Variants in FRY observed in about 807,000 individuals in gnomAD.
The protein encoded by FRY is FRY microtubule binding protein, also known as protein furry homolog.
A neutral mutation model predicts 348.4 loss-of-function variants in FRY; 128 were observed. The observed-to-expected ratio is 0.37, with a 90% CI of 0.32 to 0.43. The LOEUF is 0.43. Ranked by LOEUF, FRY falls within the 20% of genes least tolerant of loss-of-function variation. FRY has a pLI of 1.00. For missense variants in FRY, 2,736 were observed against 3,695.2 expected (o/e 0.74, Z 6.73); for synonymous variants, 1,370 against 1,374.7 (o/e 1.00, Z 0.08).
At chr13:32,089,009 C>T (rs543178991) in intron 2 of FRY, among the ~76,000 whole-genome samples, 5 of 152,222 alleles carry the variant, frequency 3.3e-5, no homozygotes, top group South Asian at 2.1e-4. Flanking sequence ...AATAAAAATA[C>T]GTTCAATAAT....
At chr13:32,055,313 G>A (rs114848706) in intron 1 of FRY, among the ~76,000 whole-genome samples, 1,632 of 152,260 alleles carry the variant, frequency 0.011, 33 homozygotes, top group African/African-American at 0.037. Context: ...AAAGTGGTGG[G>A]ATTGCAGGAA....
At chr13:32,206,022 G>A (rs991595881) in intron 31 of FRY, among the ~76,000 whole-genome samples, 6 of 151,940 alleles carry the variant, frequency 3.9e-5, no homozygotes, top group Non-Finnish European at 8.8e-5. Flanking sequence ...ACAGGGAGAG[G>A]GGAAGGTTTG....
At chr13:32,161,365 G>A (rs765653299) in intron 17 of FRY, 114 bp downstream of exon 17, 1 of 803,748 alleles carries the variant, frequency 1.2e-6, no homozygotes, top group Non-Finnish European at 2.2e-6. Context: ...GAGGTACTGG[G>A]TATGGGCAGG....
Position 32,247,384 on chromosome 13 carries a change from T to C in FRY, c.6890T>C (p.Leu2297Pro). Residue 2297 changes from leucine to proline, a missense_variant, in exon 48 of 61, where the codon CTT becomes CCT. This residue lies in a region of FRY where 789 missense variants were observed against 996.2 expected (regional missense o/e 0.79). Transcript: ENST00000542859. ...CTGGTAGTTTCTCGGTCAGCCAGCC[T>C]TGTTTTACCTTCATACCAGCACAGT... ...LKLVVSRSASLVLPSYQHSDL... is the reference protein window; with the variant it reads ...LKLVVSRSASPVLPSYQHSDL... 6.2e-7 allele frequency: 1 copy of C among 1,613,650 alleles called. No homozygotes were observed. The highest frequency in any genetic ancestry group is 1.1e-5 in the South Asian group (1 of 91,052).
chr13:32,278,010 T>C (rs529792129), intron 57 of FRY, among the ~76,000 whole-genome samples: 4 of 152,320 alleles, frequency 2.6e-5, no homozygotes, highest in African/African-American at 4.8e-5. Context: ...GCCTTTCTTA[T>C]AGTGAAGGAG....
intron 2 of FRY, among the ~76,000 whole-genome samples, chr13:32,092,894 G>C (rs1273971158): frequency 6.6e-6 from 1 of 152,172 alleles, no homozygotes; most frequent in African/African-American, 2.4e-5. Flanking sequence ...AGTTTTGAGA[G>C]TATCTTATGT....
At chr13:32,109,927 G>A (rs139441108) in intron 3 of FRY, among the ~76,000 whole-genome samples, 110 of 152,286 alleles carry the variant, frequency 7.2e-4, no homozygotes, top group African/African-American at 2.6e-3. Flanking sequence ...AAAAAGGGTA[G>A]TTTGGAAAGT....
At chr13:32,228,922 A>C (rs1435978079) in intron 40 of FRY, among the ~76,000 whole-genome samples, 1 of 152,244 alleles carries the variant, frequency 6.6e-6, no homozygotes, top group East Asian at 1.9e-4. Context: ...ATGATGATGC[A>C]GCAGATGGAG....
At chr13:32,191,925 G>T (rs2138286924) in intron 28 of FRY, among the ~76,000 whole-genome samples, 1 of 152,272 alleles carries the variant, frequency 6.6e-6, no homozygotes, top group Non-Finnish European at 1.5e-5. Context: ...TAGCATGAGG[G>T]AAATGCAAAT....
chr13:32,043,860 A>G (rs1345989708), intron 1 of FRY, among the ~76,000 whole-genome samples: 1 of 152,214 alleles, frequency 6.6e-6, no homozygotes, highest in Non-Finnish European at 1.5e-5. Context: ...AAAGCAAATT[A>G]TAAGAAATAA....
At chr13:32,236,337 AAT>A (rs1886225685) in intron 43 of FRY, among the ~76,000 whole-genome samples, 165 bp downstream of exon 43, 1 of 37,078 alleles carries the variant, frequency 2.7e-5, no homozygotes, top group Non-Finnish European at 4.5e-5. Flanking sequence ...AAGAAGTCAT[AAT>A]ACACACAAAC....
intron 31 of FRY, among the ~76,000 whole-genome samples, chr13:32,205,097 G>A (rs533814114): frequency 7.9e-5 from 12 of 152,020 alleles, no homozygotes; most frequent in African/African-American, 2.9e-4. Context: ...CAGCTACTCA[G>A]GAGGCTGAGG....
At chr13:32,072,573 G>T (rs1874735894) in intron 1 of FRY, among the ~76,000 whole-genome samples, 1 of 152,026 alleles carries the variant, frequency 6.6e-6, no homozygotes. Context: ...TTGAGTATTT[G>T]CAGTACCTTT....
At chr13:32,206,967 G>C (rs895055659) in intron 31 of FRY, among the ~76,000 whole-genome samples, 1 of 152,158 alleles carries the variant, frequency 6.6e-6, no homozygotes, top group African/African-American at 2.4e-5. Context: ...GCAGTGAATA[G>C]AGGGCTATTT....
intron 36 of FRY, among the ~76,000 whole-genome samples, chr13:32,219,761 C>T (rs990208019): frequency 2.0e-5 from 3 of 152,126 alleles, no homozygotes; most frequent in Non-Finnish European, 4.4e-5. Flanking sequence ...GGCGGTTCAA[C>T]ATTTCCACCT....
chr13:32,112,580 T>C (rs1163738007), intron 3 of FRY, among the ~76,000 whole-genome samples: 1 of 152,214 alleles, frequency 6.6e-6, no homozygotes, highest in Non-Finnish European at 1.5e-5. Context: ...CTATTTGCAA[T>C]TGAATGTGAC....
At chr13:32,189,240 C>G (rs1215311380) in intron 28 of FRY, among the ~76,000 whole-genome samples, 1 of 152,118 alleles carries the variant, frequency 6.6e-6, no homozygotes, top group African/African-American at 2.4e-5. Flanking sequence ...GATAGCGGCT[C>G]TTTTCAAACT....
chr13:32,148,513 AT>A (rs1295126943), intron 13 of FRY, among the ~76,000 whole-genome samples: 1 of 152,218 alleles, frequency 6.6e-6, no homozygotes, highest in African/African-American at 2.4e-5. Flanking sequence ...GTAATTTACT[AT>A]TTGAGCCCAG....
rs921104100 is a variant in FRY at position 32,289,756 on chromosome 13, G to A, written c.8580+13G>A. The stretch of plus-strand genomic sequence containing the variant: ...CTCCATGCCAGAGGTGAGTCCACAC[G>A]CTTCCCAACCCCACGTCCCACCACA... On this transcript the variant is annotated intron_variant, in intron 59 of 60. Coordinates refer to ENST00000542859, the MANE Select transcript of FRY (RefSeq NM_023037.3). 11 of 1,400,886 alleles carry A rather than the reference G, an allele frequency of 7.9e-6. No homozygotes were observed. Among genetic ancestry groups the A allele is most frequent in the South Asian group, 4.6e-5 (4 of 86,754 alleles). 86.8% of individuals were successfully genotyped at this position (1,400,886 alleles called of 1,614,324 possible).
Sources: gnomAD v4.1 joint callset for allele counts (sites outside exome capture counted in the v4.1 genomes callset) on GRCh38, gnomAD v4.1.1 for gene constraint, gnomAD v4.1.1 regional missense constraint, MANE v1.5 for transcripts, NCBI Gene and HGNC (gene_info 2026-07-23, HGNC 2026-07-21) for gene names.